The following GPC5 variants were observed in gnomAD, a reference collection of about 807,000 sequenced individuals.
The protein encoded by GPC5 is glypican 5.
Under a neutral mutation model 53.9 loss-of-function variants are expected in GPC5, and 47 were observed. The ratio of observed to expected loss-of-function variants is 0.87; its 90% confidence interval spans 0.69 to 1.11. The LOEUF (loss-of-function observed/expected upper bound fraction) is 1.11, where lower values mean the gene tolerates loss of function less well. Ranked by LOEUF, GPC5 falls within the 50% of genes most tolerant of loss-of-function variation. GPC5 has a pLI of 0.00. For synonymous variants in GPC5, 286 were observed against 263.3 expected (o/e 1.09, Z -0.84); for missense variants, 748 against 713.1 (o/e 1.05, Z -0.56).
At chr13:92,061,944 A>G (rs2041127560) in intron 6 of GPC5, among the ~76,000 whole-genome samples, 1 of 152,024 alleles carries the variant, frequency 6.6e-6, no homozygotes, top group Non-Finnish European at 1.5e-5. Context: ...CATCCCTACT[A>G]TTCTATTTTG....
In GPC5 at chr13:92,641,060, A is replaced by T. The variant is rs79280839; in HGVS notation, c.1562-225222A>T. The stretch of plus-strand genomic sequence containing the variant: ...AATTCAGGCAAGAAATATCACGAGA[A>T]TACTTATCTTTGGGAAGAGCTGGGT... On this transcript the variant is annotated intron_variant, in intron 7 of 7. Transcript: ENST00000377067. 3.3e-3 allele frequency among the ~76,000 whole-genome samples: 499 copies of T among 152,224 alleles called. 6 individuals carry two copies. Among genetic ancestry groups the T allele is most frequent in the East Asian group, 0.023 (119 of 5,164 alleles).
At chr13:91,553,216 C>G (rs914378168) in intron 2 of GPC5, among the ~76,000 whole-genome samples, 5 of 100,548 alleles carry the variant, frequency 5.0e-5, no homozygotes, top group African/African-American at 2.2e-4. Flanking sequence ...TTTTCTTTCA[C>G]TCTCACAAGG....
At chr13:92,799,301 A>T (rs1273978790) in intron 7 of GPC5, among the ~76,000 whole-genome samples, 1 of 151,816 alleles carries the variant, frequency 6.6e-6, no homozygotes, top group Non-Finnish European at 1.5e-5. Flanking sequence ...ACAGACACAT[A>T]TTAATATAAA....
intron 6 of GPC5, among the ~76,000 whole-genome samples, chr13:92,109,027 T>C (rs550402173): frequency 6.6e-6 from 1 of 152,050 alleles, no homozygotes; most frequent in African/African-American, 2.4e-5. Context: ...TGCTGTTTTC[T>C]TGTAGCGCCT....
At chr13:91,448,359 C>G (rs1281836418) in intron 1 of GPC5, among the ~76,000 whole-genome samples, 1 of 152,156 alleles carries the variant, frequency 6.6e-6, no homozygotes, top group East Asian at 1.9e-4. Context: ...AGTTTCATTT[C>G]CCCATGAAAA....
intron 2 of GPC5, among the ~76,000 whole-genome samples, chr13:91,596,180 A>G (rs1408306936): frequency 1.3e-5 from 2 of 152,212 alleles, no homozygotes; most frequent in Non-Finnish European, 2.9e-5. Context: ...AATGTAATTA[A>G]TAAAGCAATG....
At position 92,613,442 on chromosome 13, in the gene GPC5, A is replaced by ATGTAT. The variant is rs139041306; in HGVS notation, c.1562-252839_1562-252838insGTATT. The stretch of plus-strand genomic sequence containing the variant: ...ATATGATATATATTTATATATAAAT[A>ATGTAT]TATATATTTATATATAAATATGTAT... On this transcript the variant is annotated intron_variant, in intron 7 of 7. Coordinates refer to ENST00000377067, the MANE Select transcript of GPC5 (RefSeq NM_004466.6). Among the ~76,000 whole-genome samples, 160 of 42,776 alleles carry ATGTAT rather than the reference A, an allele frequency of 3.7e-3. 2 individuals are homozygous for ATGTAT. Among genetic ancestry groups the ATGTAT allele is most frequent in the African/African-American group, 0.011 (48 of 4,250 alleles). The allele number at this position is 42,776 out of a possible 152,430, so 28.1% of individuals were successfully genotyped here. A position where few individuals can be genotyped will look rare whatever the true frequency, so the allele number is the denominator to read the frequency against.
chr13:92,449,708 A>G (rs1417555466), intron 7 of GPC5, among the ~76,000 whole-genome samples: 6 of 152,188 alleles, frequency 3.9e-5, no homozygotes, highest in Non-Finnish European at 7.3e-5. Flanking sequence ...CTGAAAATCA[A>G]GAATAGTAAC....
intron 2 of GPC5, among the ~76,000 whole-genome samples, chr13:91,545,690 G>T (rs183860780): frequency 6.6e-6 from 1 of 152,050 alleles, no homozygotes; most frequent in East Asian, 1.9e-4. Flanking sequence ...CTCTTGAATA[G>T]TAACTTCCCA....
At position 91,455,290 on chromosome 13, in the gene GPC5, T is replaced by G. The variant is rs576095427; in HGVS notation, c.325+6368T>G. Among the ~76,000 whole-genome samples the G allele has an allele frequency of 8.5e-4, 129 of 152,268 alleles. 1 individual carries two copies. The highest frequency in any genetic ancestry group is 2.9e-3 in the African/African-American group (120 of 41,580). Reference sequence around the variant, plus strand: ...TAGATATTTACTAAAATTGCTCTTCTAAGTAGCAAAACCAATTGAAACTCA... The same window carrying G: ...TAGATATTTACTAAAATTGCTCTTCGAAGTAGCAAAACCAATTGAAACTCA... On this transcript the variant is annotated intron_variant, in intron 2 of 7. Coordinates refer to ENST00000377067, the MANE Select transcript of GPC5 (RefSeq NM_004466.6).
chr13:92,807,318 A>G (rs1877132647), intron 7 of GPC5, among the ~76,000 whole-genome samples: 2 of 152,114 alleles, frequency 1.3e-5, no homozygotes, highest in Non-Finnish European at 1.5e-5. Flanking sequence ...ACATATTTAA[A>G]AATCAAATTA....
intron 6 of GPC5, among the ~76,000 whole-genome samples, chr13:92,125,472 A>T (rs916764399): frequency 6.6e-6 from 1 of 152,192 alleles, no homozygotes; most frequent in Admixed American, 6.5e-5. Context: ...TTTCAGTTGA[A>T]GCAACGTGAA....
At chr13:92,041,005 C>G (rs2040937527) in intron 6 of GPC5, among the ~76,000 whole-genome samples, 1 of 152,126 alleles carries the variant, frequency 6.6e-6, no homozygotes, top group South Asian at 2.1e-4. Context: ...CATGTGCCAC[C>G]ACACCCGGAT....
At chr13:91,641,453 C>T (rs1157946000) in intron 2 of GPC5, among the ~76,000 whole-genome samples, 2 of 152,080 alleles carry the variant, frequency 1.3e-5, no homozygotes, top group African/African-American at 4.8e-5. Context: ...CACACTGGGG[C>T]CTGTTGTGGG....
intron 6 of GPC5, among the ~76,000 whole-genome samples, chr13:92,056,861 C>A (rs1594746578): frequency 1.3e-5 from 2 of 152,246 alleles, no homozygotes; most frequent in South Asian, 2.1e-4. Flanking sequence ...CTCTCCAACC[C>A]AGATAAGGAG....
Position 92,612,888 on chromosome 13 carries a change from T to C in GPC5, c.1562-253394T>C, listed in dbSNP as rs188139559. Among the ~76,000 whole-genome samples the C allele has an allele frequency of 1.0e-3, 157 of 152,194 alleles. 1 individual carries two copies. The highest frequency in any genetic ancestry group is 3.4e-3 in the African/African-American group (142 of 41,538). The stretch of plus-strand genomic sequence containing the variant: ...GATATGTAATTAATGCACACTATAA[T>C]AAAAATAACATAACAAATGACATTT... On this transcript the variant is annotated intron_variant, in intron 7 of 7. Transcript: ENST00000377067.
intron 2 of GPC5, among the ~76,000 whole-genome samples, chr13:91,517,850 C>A (rs2351869): frequency 0.99 from 150,440 of 152,296 alleles, 74,336 homozygotes; most frequent in East Asian, 1. Context: ...CAAAAGTGGA[C>A]ATCTCTGATA....
At chr13:92,180,319 A>C (rs1391948644) in intron 7 of GPC5, among the ~76,000 whole-genome samples, 1 of 152,222 alleles carries the variant, frequency 6.6e-6, no homozygotes, top group Non-Finnish European at 1.5e-5. Flanking sequence ...TTAAAGCTGC[A>C]TTTTAACAAA....
intron 6 of GPC5, among the ~76,000 whole-genome samples, chr13:91,917,599 C>T (rs768000102): frequency 1.2e-4 from 18 of 152,234 alleles, no homozygotes; most frequent in Non-Finnish European, 2.1e-4. Flanking sequence ...GCTCTGCTTC[C>T]TCTTGAATGC....
Sources: gnomAD v4.1 joint callset for allele counts (sites outside exome capture counted in the v4.1 genomes callset) on GRCh38, gnomAD v4.1.1 for gene constraint, MANE v1.5 for transcripts, NCBI Gene and HGNC (gene_info 2026-07-23, HGNC 2026-07-21) for gene names.